ARHGAP39: variants seen among roughly 807,000 people sequenced by gnomAD.
ARHGAP39 encodes the protein Rho GTPase activating protein 39, also known as rho GTPase-activating protein 39.
A neutral mutation model predicts 106.9 loss-of-function variants in ARHGAP39; 44 were observed. The observed-to-expected ratio is 0.41, with a 90% CI of 0.32 to 0.53. The LOEUF is 0.53. Among genes scored for constraint, ARHGAP39 ranks in the 20% least tolerant of loss-of-function variants. The probability of loss-of-function intolerance (pLI) is 0.21; values close to 1 mark genes in which losing one functional copy is unlikely to be tolerated. For missense variants in ARHGAP39, 1,496 were observed against 1,577.3 expected, an observed-to-expected ratio of 0.95 and a Z score of 0.87; for synonymous variants, 768 against 693.2, an observed-to-expected ratio of 1.11 and a Z score of -1.69.
Position 144,585,785 on chromosome 8 carries a change from G to A in ARHGAP39, c.81-4508C>T, listed in dbSNP as rs977238907. Among the ~76,000 whole-genome samples the A allele has an allele frequency of 3.3e-5, 5 of 152,162 alleles. No individual in the cohort carries two copies. Among genetic ancestry groups the A allele is most frequent in the African/African-American group, 1.2e-4 (5 of 41,450 alleles). ...TAAATCTCAACCCTCATGGGCCCCT[G>A]CAGGGCCCATAATTTAAATGAGAAA... On this transcript the variant is annotated intron_variant, in intron 2 of 11. Transcript: ENST00000377307. This position sits in a 1 kb window ranked among gnomAD's most constrained non-coding sequence, Gnocchi z 4.6.
chr8:144,561,261 G>C (rs139218599), intron 3 of ARHGAP39, among the ~76,000 whole-genome samples: 3,027 of 126,528 alleles, frequency 0.024, 77 homozygotes, highest in Admixed American at 0.067. Context: ...GTGTCCATCA[G>C]ACCCCAGTGG....
chr8:144,610,434 G>A (rs140099802), intron 1 of ARHGAP39, among the ~76,000 whole-genome samples: 14 of 152,194 alleles, frequency 9.2e-5, no homozygotes, highest in African/African-American at 2.2e-4. Context: ...ATTTAGGGCC[G>A]GGCGTGGTGG....
Position 144,646,764 on chromosome 8 carries a change from C to T in ARHGAP39, c.-82+38922G>A, listed in dbSNP as rs1821453687. Among the ~76,000 whole-genome samples, 1 of 152,204 alleles carries T rather than the reference C, an allele frequency of 6.6e-6. No homozygotes were observed. Among genetic ancestry groups the T allele is most frequent in the South Asian group, 2.1e-4 (1 of 4,832 alleles). On this transcript the variant is annotated intron_variant, in intron 1 of 11. Coordinates refer to ENST00000377307, the MANE Select transcript of ARHGAP39 (RefSeq NM_025251.3). The surrounding 1 kb of genome is among the most constrained non-coding windows in gnomAD (Gnocchi z 5.7). ...TGGTCCTGGTGAGACCCTCGCTGGG[C>T]CCAGAGTCCAAGCGGGCCATGGCCC...
chr8:144,666,559 A>G (rs1347296780), intron 1 of ARHGAP39, among the ~76,000 whole-genome samples: 1 of 152,174 alleles, frequency 6.6e-6, no homozygotes, highest in Non-Finnish European at 1.5e-5. Context: ...TTCTCGTGAT[A>G]GTGAATAAGT....
chr8:144,557,843 C>T (rs1818002918), intron 3 of ARHGAP39, among the ~76,000 whole-genome samples: 1 of 152,158 alleles, frequency 6.6e-6, no homozygotes, highest in African/African-American at 2.4e-5. Flanking sequence ...TTATCCTTAC[C>T]ACCATTGTTT....
Position 144,591,884 on chromosome 8 carries a change from C to T in ARHGAP39, c.81-10607G>A, listed in dbSNP as rs749159396. On this transcript the variant is annotated intron_variant, in intron 2 of 11. Transcript: ENST00000377307. This position sits in a 1 kb window ranked among gnomAD's most constrained non-coding sequence, Gnocchi z 5.3. The stretch of plus-strand genomic sequence containing the variant: ...GCGTCGCCTCGTCGCCTCGTGCCTG[C>T]GGGGAGTGCTGCCTGTGGGGAGTGG... 2.0e-5 allele frequency among the ~76,000 whole-genome samples: 3 copies of T among 152,148 alleles called. No homozygotes were observed. Among genetic ancestry groups the T allele is most frequent in the Admixed American group, 6.5e-5 (1 of 15,278 alleles).
At position 144,581,128 on chromosome 8, in the gene ARHGAP39, G is replaced by A; in HGVS notation, c.230C>T (p.Thr77Met). 1.3e-6 allele frequency: 2 copies of A among 1,590,848 alleles called. No individual in the cohort carries two copies. Among genetic ancestry groups the A allele is most frequent in the South Asian group, 1.1e-5 (1 of 87,596 alleles). ...GGCATTGTAGTAGTAGAAGCGGGACGTGTTGGGGTCGAACAGCTCCCACCA... is the reference window on the plus strand; with the variant it reads ...GGCATTGTAGTAGTAGAAGCGGGACATGTTGGGGTCGAACAGCTCCCACCA... ...NQWWELFDPN[T>M]SRFYYYNAST... Residue 77 changes from threonine to methionine, a missense_variant, in exon 3 of 12, where the codon ACG becomes ATG. Around this residue, in one of 4 missense-constraint regions of ARHGAP39, gnomAD observed 25 missense variants for 48.0 expected, o/e 0.52. Coordinates refer to ENST00000377307, the MANE Select transcript of ARHGAP39 (RefSeq NM_025251.3).
chr8:144,530,029 A>C lies in ARHGAP39; in HGVS notation c.*393T>G. 1.9e-5 allele frequency: 4 copies of C among 212,680 alleles called. No individual in the cohort carries two copies. The highest frequency in any genetic ancestry group is 2.8e-5 in the Non-Finnish European group (3 of 106,136). The allele number at this position is 212,680 out of a possible 1,614,324, so 13.2% of individuals were successfully genotyped here. ...CCAGGACGAGGACAGGAGAAAGGGA[A>C]GGAGAGACCGGGGCGGCTGGGCAAG... On this transcript the variant is annotated 3_prime_UTR_variant, in exon 12 of 12. Transcript: ENST00000377307.
rs1362422677 is a variant in ARHGAP39 at position 144,679,758 on chromosome 8, A to G, written c.-82+5928T>C. Among the ~76,000 whole-genome samples the G allele has an allele frequency of 6.6e-6, 1 of 152,202 alleles. No individual in the cohort carries two copies. Among genetic ancestry groups the G allele is most frequent in the Non-Finnish European group, 1.5e-5 (1 of 68,040 alleles). ...CACTTTGGGAGGCCAAGGCGGGCGG[A>G]TCACGAGGTCAGGAGATCGAGACCA... On this transcript the variant is annotated intron_variant, in intron 1 of 11. Transcript: ENST00000377307. The surrounding 1 kb of genome is among the most constrained non-coding windows in gnomAD (Gnocchi z 4.7).
At chr8:144,563,801 T>C (rs1260670341) in intron 3 of ARHGAP39, among the ~76,000 whole-genome samples, 1 of 151,784 alleles carries the variant, frequency 6.6e-6, no homozygotes, top group Non-Finnish European at 1.5e-5. Flanking sequence ...AAAAAAATAA[T>C]AATAAAATAA....
rs894652571 is a variant in ARHGAP39 at position 144,586,330 on chromosome 8, G to A, written c.81-5053C>T. On this transcript the variant is annotated intron_variant, in intron 2 of 11. Transcript: ENST00000377307. This position sits in a 1 kb window ranked among gnomAD's most constrained non-coding sequence, Gnocchi z 4.2. Reference sequence around the variant, plus strand: ...TGGCCACAACAGGACTTCCTTCCATGACGTTTCTCACACTGCTGGAAGTGC... The same window carrying A: ...TGGCCACAACAGGACTTCCTTCCATAACGTTTCTCACACTGCTGGAAGTGC... 9 of 152,348 alleles carry A rather than the reference G, an allele frequency of 5.9e-5. No homozygotes were observed. The East Asian group carries it at 1.7e-3, about 29-fold the overall frequency. 9.4% of individuals were successfully genotyped at this position (152,348 alleles called of 1,614,324 possible). A position where few individuals can be genotyped will look rare whatever the true frequency, so the allele number is the denominator to read the frequency against.
At chr8:144,555,846 C>A (rs1817896945) in intron 3 of ARHGAP39, among the ~76,000 whole-genome samples, 1 of 152,214 alleles carries the variant, frequency 6.6e-6, no homozygotes, top group African/African-American at 2.4e-5. Context: ...CATCCAGAGG[C>A]CAGGGAGTGG....
At chr8:144,619,976 GCA>G in intron 1 of ARHGAP39, among the ~76,000 whole-genome samples, 2 of 149,832 alleles carry the variant, frequency 1.3e-5, no homozygotes, top group Admixed American at 6.7e-5. Flanking sequence ...GTGAGCCTGT[GCA>G]TCTGAGAGCG....
At chr8:144,667,682 A>C (rs1400115206) in intron 1 of ARHGAP39, among the ~76,000 whole-genome samples, 1 of 152,208 alleles carries the variant, frequency 6.6e-6, no homozygotes, top group Non-Finnish European at 1.5e-5. Context: ...GAGTCATGGC[A>C]CCTGGACTTG....
intron 1 of ARHGAP39, among the ~76,000 whole-genome samples, chr8:144,681,651 A>C (rs1359300695): frequency 6.6e-6 from 1 of 152,222 alleles, no homozygotes; most frequent in East Asian, 1.9e-4. Context: ...CCAACTCTCC[A>C]TGTAGCATGT....
chr8:144,671,071 A>G lies in ARHGAP39; in HGVS notation c.-82+14615T>C, dbSNP rs927451618. Among the ~76,000 whole-genome samples the G allele has an allele frequency of 6.6e-6, 1 of 152,100 alleles. No homozygotes were observed. The highest frequency in any genetic ancestry group is 1.5e-5 in the Non-Finnish European group (1 of 68,030). ...GCCGCCAAGCTTCTCCCGAAACCCA[A>G]CCAGGGCCCTTCACATACCAAGCAC... is the stretch of plus-strand genomic sequence containing the variant. On this transcript the variant is annotated intron_variant, in intron 1 of 11. Coordinates refer to ENST00000377307, the MANE Select transcript of ARHGAP39 (RefSeq NM_025251.3). This position sits in a 1 kb window ranked among gnomAD's most constrained non-coding sequence, Gnocchi z 4.5.
chr8:144,658,276 A>ATTT (rs748953919), intron 1 of ARHGAP39, among the ~76,000 whole-genome samples: 2 of 139,774 alleles, frequency 1.4e-5, no homozygotes, highest in Admixed American at 1.4e-4. Context: ...CACCCGGCTA[A>ATTT]TTTTTTTTTT....
intron 1 of ARHGAP39, among the ~76,000 whole-genome samples, chr8:144,657,896 C>G (rs1821735809): frequency 6.6e-6 from 1 of 152,090 alleles, no homozygotes; most frequent in African/African-American, 2.4e-5. Flanking sequence ...CCTCCACATC[C>G]ATGGGTTGAA....
At chr8:144,657,725 C>T (rs977276097) in intron 1 of ARHGAP39, among the ~76,000 whole-genome samples, 1 of 152,076 alleles carries the variant, frequency 6.6e-6, no homozygotes, top group African/African-American at 2.4e-5. Context: ...TATTAACAGA[C>T]TAAAATAGAA....
Sources: gnomAD v4.1 joint callset for allele counts (sites outside exome capture counted in the v4.1 genomes callset) on GRCh38, gnomAD v4.1.1 for gene constraint, gnomAD v4.1.1 regional missense constraint, Gnocchi (gnomAD v3.1) non-coding constraint, MANE v1.5 for transcripts, NCBI Gene and HGNC (gene_info 2026-07-23, HGNC 2026-07-21) for gene names.